Variants in LRRTM4 observed in about 807,000 individuals in gnomAD.
LRRTM4 encodes the protein leucine rich repeat transmembrane neuronal 4, also known as leucine-rich repeat transmembrane neuronal protein 4.
A neutral mutation model predicts 47.6 loss-of-function variants in LRRTM4; 25 were observed. The ratio of observed to expected loss-of-function variants is 0.53; its 90% CI spans 0.38 to 0.73. The LOEUF (loss-of-function observed/expected upper bound fraction) is 0.73. LRRTM4 is among the 30% of genes least tolerant of loss of function. LRRTM4 has a pLI of 0.00. For missense variants in LRRTM4, 638 were observed against 713.4 expected (o/e 0.89, Z 1.20); for synonymous variants, 311 against 269.5 (o/e 1.15, Z -1.51).
chr2:76,965,688 G>A (rs1248164009), intron 3 of LRRTM4, among the ~76,000 whole-genome samples: 1 of 151,130 alleles, frequency 6.6e-6, no homozygotes, highest in Non-Finnish European at 1.5e-5. Context: ...TACTACTTAC[G>A]CTTTTCACTA....
chr2:77,308,516 G>A (rs1229546773), intron 3 of LRRTM4, among the ~76,000 whole-genome samples: 2 of 152,052 alleles, frequency 1.3e-5, no homozygotes, highest in Non-Finnish European at 2.9e-5. Context: ...GAGTTTTGTA[G>A]ATAGGCATTT....
At chr2:76,991,935 C>T (rs547796926) in intron 3 of LRRTM4, among the ~76,000 whole-genome samples, 2 of 151,934 alleles carry the variant, frequency 1.3e-5, no homozygotes, top group South Asian at 2.1e-4. Context: ...AGTTAATTCA[C>T]CACAATAAAC....
chr2:77,150,528 G>T (rs1434908118), intron 3 of LRRTM4, among the ~76,000 whole-genome samples: 1 of 152,094 alleles, frequency 6.6e-6, no homozygotes, highest in Non-Finnish European at 1.5e-5. Context: ...TTCATTTTAA[G>T]ATCTCATTTT....
intron 3 of LRRTM4, among the ~76,000 whole-genome samples, chr2:77,040,689 G>A (rs949159050): frequency 2.0e-5 from 3 of 151,344 alleles, no homozygotes; most frequent in African/African-American, 7.3e-5. Context: ...AATGGGTTTA[G>A]GGGAGCAAAT....
intron 3 of LRRTM4, among the ~76,000 whole-genome samples, chr2:77,307,026 C>A (rs187554409): frequency 0.19 from 28,771 of 149,750 alleles, 3,031 homozygotes; most frequent in East Asian, 0.44. Context: ...CAGCCTCCCG[C>A]GTAGCTGGGA....
intron 3 of LRRTM4, among the ~76,000 whole-genome samples, chr2:76,884,156 G>T (rs995106706): frequency 6.6e-4 from 101 of 152,092 alleles, no homozygotes; most frequent in African/African-American, 2.4e-3. Context: ...TGAGCATTTT[G>T]TAACAAGCAT....
At chr2:77,191,482 A>G (rs1195594395) in intron 3 of LRRTM4, among the ~76,000 whole-genome samples, 1 of 151,956 alleles carries the variant, frequency 6.6e-6, no homozygotes, top group Non-Finnish European at 1.5e-5. Context: ...TAAAAGTGTA[A>G]TTTGAAATTA....
intron 3 of LRRTM4, among the ~76,000 whole-genome samples, chr2:76,970,763 A>C (rs1023443224): frequency 1.3e-5 from 2 of 152,040 alleles, no homozygotes; most frequent in African/African-American, 2.4e-5. Context: ...GAAAATGCTG[A>C]TTGGATTGGA....
intron 3 of LRRTM4, among the ~76,000 whole-genome samples, chr2:76,819,563 A>G (rs904077624): frequency 6.6e-6 from 1 of 151,934 alleles, no homozygotes; most frequent in African/African-American, 2.4e-5. Context: ...TTCTCACTTC[A>G]TAATATTTTT....
At chr2:77,252,342 G>C (rs914495767) in intron 3 of LRRTM4, among the ~76,000 whole-genome samples, 2 of 152,114 alleles carry the variant, frequency 1.3e-5, no homozygotes, top group African/African-American at 4.8e-5. Flanking sequence ...GCTAGGCAAA[G>C]AGGTTTGGTT....
At chr2:77,495,732 C>A (rs1678339255) in intron 3 of LRRTM4, among the ~76,000 whole-genome samples, 1 of 151,990 alleles carries the variant, frequency 6.6e-6, no homozygotes, top group Admixed American at 6.6e-5. Flanking sequence ...TTTCATTGAT[C>A]TGCTTGTCTG....
At chr2:76,919,412 G>A (rs1037530291) in intron 3 of LRRTM4, among the ~76,000 whole-genome samples, 2 of 152,170 alleles carry the variant, frequency 1.3e-5, no homozygotes, top group Admixed American at 6.5e-5. Context: ...AGAGCTCAGA[G>A]TTCATCTTCC....
intron 3 of LRRTM4, among the ~76,000 whole-genome samples, chr2:76,988,175 A>G (rs1676869710): frequency 6.6e-6 from 1 of 151,616 alleles, no homozygotes; most frequent in African/African-American, 2.4e-5. Context: ...AGCCAACCTA[A>G]TTTCTCCAAA....
At chr2:77,371,768 T>C (rs976002176) in intron 3 of LRRTM4, among the ~76,000 whole-genome samples, 5 of 151,700 alleles carry the variant, frequency 3.3e-5, no homozygotes, top group African/African-American at 9.7e-5. Context: ...TTAATCCTAA[T>C]GACCTTCCTT....
Position 76,748,572 on chromosome 2 carries a change from A to T in LRRTM4, c.*123T>A, listed in dbSNP as rs1672725276. On this transcript the variant is annotated 3_prime_UTR_variant, in exon 4 of 4. Coordinates refer to ENST00000409884, the MANE Select transcript of LRRTM4 (RefSeq NM_001134745.3). ...TTTCTCTTTTTCTTTTCTCTATGCC[A>T]TAAATGTTTTAACAGGAACGATGAG... is the stretch of plus-strand genomic sequence containing the variant. 1.3e-6 allele frequency: 1 copy of T among 779,550 alleles called. No homozygotes were observed. Among genetic ancestry groups the T allele is most frequent in the South Asian group, 1.7e-5 (1 of 57,650 alleles). The allele number at this position is 779,550 out of a possible 1,614,324, so 48.3% of individuals were successfully genotyped here. A position where few individuals can be genotyped will look rare whatever the true frequency, so the allele number is the denominator to read the frequency against.
intron 3 of LRRTM4, among the ~76,000 whole-genome samples, chr2:77,156,278 A>G (rs553546152): frequency 6.6e-6 from 1 of 151,768 alleles, no homozygotes; most frequent in African/African-American, 2.4e-5. Context: ...ATTTAAAATA[A>G]TTAAAGAAAT....
At chr2:76,762,094 C>T (rs1224194239) in intron 3 of LRRTM4, among the ~76,000 whole-genome samples, 1 of 152,156 alleles carries the variant, frequency 6.6e-6, no homozygotes, top group Non-Finnish European at 1.5e-5. Context: ...CCAAAGATCA[C>T]AGGGCTTATT....
intron 3 of LRRTM4, among the ~76,000 whole-genome samples, chr2:77,074,174 C>T (rs1680257490): frequency 6.6e-6 from 1 of 152,096 alleles, no homozygotes; most frequent in South Asian, 2.1e-4. Context: ...TATTTCTCAT[C>T]TAATTTTATG....
chr2:76,863,168 T>G (rs754742933), intron 3 of LRRTM4, among the ~76,000 whole-genome samples: 9 of 152,192 alleles, frequency 5.9e-5, no homozygotes, highest in African/African-American at 1.7e-4. Context: ...TGTAAAATTT[T>G]ACGGAGAGAG....
Sources: allele counts gnomAD v4.1 joint callset (sites outside exome capture counted in the v4.1 genomes callset), GRCh38; gene constraint gnomAD v4.1.1; transcripts MANE v1.5; gene names NCBI Gene and HGNC (gene_info 2026-07-23, HGNC 2026-07-21).